Variants in ACOT9 observed in about 807,000 individuals in gnomAD.
ACOT9 encodes the protein acyl-coenzyme A thioesterase 9, mitochondrial.
A neutral mutation model predicts 39.7 loss-of-function variants in ACOT9; 34 were observed. The observed-to-expected ratio is 0.86, with a 90% confidence interval of 0.65 to 1.14. ACOT9 has a LOEUF of 1.14. Among genes scored for constraint, ACOT9 ranks in the 50% most tolerant of loss-of-function variants. ACOT9 has a pLI of 0.00. For missense variants in ACOT9, 313 were observed against 344.1 expected (o/e 0.91, Z 0.71); for synonymous variants, 110 against 120.5 (o/e 0.91, Z 0.57).
intron 7 of ACOT9, among the ~76,000 whole-genome samples, chrX:23,722,289 C>T: frequency 1.8e-5 from 2 of 111,789 alleles, no homozygotes; most frequent in Admixed American, 1.9e-4. Context: ...AAGGGCTAGG[C>T]ACGGTGGCTC....
In ACOT9 at chrX:23,743,244, C is replaced by A. The variant is rs1466188493; in HGVS notation, c.-100G>T. On this transcript the variant is annotated 5_prime_UTR_variant, in exon 1 of 16. Coordinates refer to ENST00000379303, the MANE Select transcript of ACOT9 (RefSeq NM_001037171.2). ...AAAGACGCACGAGTACCAGACCGCG[C>A]CCTTGCTGAGGACAGCCCGGGAGCC... 5.9e-5 allele frequency: 61 copies of A among 1,035,219 alleles called. No individual in the cohort carries two copies. Among genetic ancestry groups the A allele is most frequent in the Non-Finnish European group, 5.9e-5 (46 of 783,405 alleles). 85.3% of individuals were successfully genotyped at this position (1,035,219 alleles called of 1,213,427 possible). A position where few individuals can be genotyped will look rare whatever the true frequency, so the allele number is the denominator to read the frequency against.
chrX:23,742,688 G>A (rs1383176636), intron 1 of ACOT9, among the ~76,000 whole-genome samples: 2 of 111,683 alleles, frequency 1.8e-5, no homozygotes, highest in East Asian at 5.6e-4. Flanking sequence ...ACAAACTTAA[G>A]TAAGAGCCGA....
chrX:23,710,845 A>G (rs765858947), intron 9 of ACOT9, among the ~76,000 whole-genome samples: 74 of 109,935 alleles, frequency 6.7e-4, no homozygotes, highest in Non-Finnish European at 1.2e-3. Context: ...GAAAGAAAGA[A>G]AAAAAATTAG....
chrX:23,724,221 C>T (rs1349124274), intron 6 of ACOT9, among the ~76,000 whole-genome samples: 2 of 110,954 alleles, frequency 1.8e-5, no homozygotes, highest in African/African-American at 3.3e-5. Flanking sequence ...ATGATCATGC[C>T]GCTACACTCC....
In ACOT9 at chrX:23,703,852, T is replaced by G. The variant is rs750182350; in HGVS notation, c.*42A>C. The G allele has an allele frequency of 2.7e-6, 3 of 1,090,923 alleles. No homozygotes were observed. The African/African-American group carries it at 5.5e-5, about 20-fold the overall frequency. 89.9% of individuals were successfully genotyped at this position (1,090,923 alleles called of 1,213,427 possible). A position where few individuals can be genotyped will look rare whatever the true frequency, so the allele number is the denominator to read the frequency against. ...GATCAGGTCTTCATCAGATACCACGTCACTGTGGGTAGAGTGCTAGTTTTC... is the reference window on the plus strand; with the variant it reads ...GATCAGGTCTTCATCAGATACCACGGCACTGTGGGTAGAGTGCTAGTTTTC... On this transcript the variant is annotated 3_prime_UTR_variant, in exon 16 of 16. Transcript: ENST00000379303.
At chrX:23,734,014 G>A (rs1293775757) in intron 3 of ACOT9, among the ~76,000 whole-genome samples, 7 of 111,746 alleles carry the variant, frequency 6.3e-5, no homozygotes, top group Non-Finnish European at 1.9e-5. Flanking sequence ...GCCTGCCTCG[G>A]CCTCCCAAAG....
chrX:23,734,286 T>C, intron 3 of ACOT9, 55 bp downstream of exon 3: 1 of 1,088,610 alleles, frequency 9.2e-7, no homozygotes, highest in South Asian at 2.0e-5. Context: ...CGTATATTAG[T>C]GCTTACAAAA....
intron 6 of ACOT9, among the ~76,000 whole-genome samples, chrX:23,726,193 T>C (rs5925884): frequency 0.2 from 22,392 of 110,135 alleles, 1,781 homozygotes; most frequent in Non-Finnish European, 0.23. Flanking sequence ...AGAGCGAAAC[T>C]ACAGCTCAAA....
Position 23,705,566 on chromosome X carries a change from C to A in ACOT9, c.962G>T (p.Gly321Val). 1 of 1,210,564 alleles carries A rather than the reference C, an allele frequency of 8.3e-7. No individual in the cohort carries two copies. Among genetic ancestry groups the A allele is most frequent in the Non-Finnish European group, 1.1e-6 (1 of 894,947 alleles). ...ATATGCCTTCCTCATAAGGAAACCA[C>A]CAAAGATCCGATTGAAAATGTTCCG... ...QERNIFNRIF[G>V]GFLMRKAYEL... Residue 321 changes from glycine (G) to valine (V), a missense_variant, in exon 13 of 16, where the codon GGT becomes GTT. Coordinates refer to ENST00000379303, the MANE Select transcript of ACOT9 (RefSeq NM_001037171.2).
At chrX:23,704,562 C>T (rs1480174479) in intron 15 of ACOT9, 132 bp downstream of exon 15, 3 of 836,416 alleles carry the variant, frequency 3.6e-6, no homozygotes, top group South Asian at 2.8e-5. Context: ...GCTGCCAAAT[C>T]TCAAAAGCAA....
intron 15 of ACOT9, 43 bp from the exon 16 acceptor site, chrX:23,704,025 G>T: frequency 9.5e-7 from 1 of 1,053,721 alleles, no homozygotes; most frequent in Non-Finnish European, 1.3e-6. Flanking sequence ...TTGTAATACC[G>T]TAGAAAACCA....
At chrX:23,737,038 C>T (rs1356870668) in intron 1 of ACOT9, among the ~76,000 whole-genome samples, 1 of 111,280 alleles carries the variant, frequency 9.0e-6, no homozygotes, top group Non-Finnish European at 1.9e-5. Flanking sequence ...GCAGGCCAGG[C>T]GTGGTGGCTC....
intron 4 of ACOT9, among the ~76,000 whole-genome samples, chrX:23,731,770 A>C (rs1929764013): frequency 9.1e-6 from 1 of 110,254 alleles, no homozygotes; most frequent in African/African-American, 3.3e-5. Flanking sequence ...GAGGAGGGAA[A>C]ATGGACTATA....
intron 8 of ACOT9, among the ~76,000 whole-genome samples, chrX:23,718,997 C>T (rs112820655): frequency 0.18 from 19,622 of 108,745 alleles, 1,656 homozygotes; most frequent in South Asian, 0.26. Context: ...TGGCTGGGCA[C>T]GGTGGCTCAC....
intron 1 of ACOT9, among the ~76,000 whole-genome samples, chrX:23,742,209 T>TGAGAGAGAGAGAGAGAGA (rs760648597): frequency 0.067 from 3,728 of 55,336 alleles, 289 homozygotes; most frequent in African/African-American, 0.075. Context: ...GAACAGTGAG[T>TGAGAGAGAGAGAGAGAGA]GAGTGAGAGA....
intron 9 of ACOT9, among the ~76,000 whole-genome samples, chrX:23,712,516 G>T (rs930882480): frequency 7.8e-5 from 8 of 103,156 alleles, no homozygotes; most frequent in East Asian, 3.0e-4. Context: ...GTTTTTTTTT[G>T]ATAACAGCTT....
At chrX:23,733,590 G>GT (rs981569946) in intron 3 of ACOT9, among the ~76,000 whole-genome samples, 6 of 111,060 alleles carry the variant, frequency 5.4e-5, no homozygotes, top group Non-Finnish European at 7.6e-5. Flanking sequence ...CTTTTTTGTT[G>GT]TTTTTTTTGA....
At chrX:23,740,014 C>T (rs973763394) in intron 1 of ACOT9, among the ~76,000 whole-genome samples, 1 of 111,210 alleles carries the variant, frequency 9.0e-6, no homozygotes, top group Non-Finnish European at 1.9e-5. Flanking sequence ...ATAATTGGAA[C>T]ACTTTTTAAA....
At chrX:23,726,999 T>C (rs888374246) in intron 6 of ACOT9, among the ~76,000 whole-genome samples, 4 of 111,570 alleles carry the variant, frequency 3.6e-5, no homozygotes, top group Non-Finnish European at 7.5e-5. Flanking sequence ...TTTGTAGTTT[T>C]AGTAGAGACG....
Sources: gnomAD v4.1 joint callset for allele counts (sites outside exome capture counted in the v4.1 genomes callset) on GRCh38, gnomAD v4.1.1 for gene constraint, MANE v1.5 for transcripts, NCBI Gene and HGNC (gene_info 2026-07-23, HGNC 2026-07-21) for gene names.